Variants in ZNF560 observed in about 807,000 individuals in gnomAD.
The protein encoded by ZNF560 is zinc finger protein 560.
ZNF560 carries 54 observed loss-of-function variants against 81.8 expected under a neutral mutation model. The ratio of observed to expected loss-of-function variants is 0.66; its 90% confidence interval spans 0.53 to 0.83. The LOEUF (loss-of-function observed/expected upper bound fraction) is 0.83. ZNF560 is among the 40% of genes least tolerant of loss of function. ZNF560 has a pLI of 0.00. For synonymous variants in ZNF560, 321 were observed against 317.9 expected (o/e 1.01, Z -0.10); for missense variants, 940 against 932.4 (o/e 1.01, Z -0.11).
chr19:9,460,596 C>T, the ZNF560 span, among the ~76,000 whole-genome samples: 11 of 152,100 alleles, frequency 7.2e-5, no homozygotes, highest in Admixed American at 2.6e-4. Context: ...TTTAAGCATC[C>T]GCCCATCTGT....
intron 2 of ZNF560, among the ~76,000 whole-genome samples, chr19:9,479,026 C>T (rs955074183): frequency 2.0e-5 from 3 of 151,912 alleles, no homozygotes; most frequent in Admixed American, 2.0e-4. Context: ...ATTAGCCAGG[C>T]ATGGTGACGG....
At chr19:9,484,591 G>A (rs904982689) in intron 2 of ZNF560, among the ~76,000 whole-genome samples, 1 of 150,420 alleles carries the variant, frequency 6.6e-6, no homozygotes, top group Non-Finnish European at 1.5e-5. Flanking sequence ...AGACTATCCT[G>A]GCGAACATGG....
chr19:9,467,163 CTG>C lies in ZNF560; in HGVS notation c.1782_1783del (p.His594GlnfsTer7). On this transcript the variant is annotated frameshift_variant, in exon 10 of 10. Coordinates refer to ENST00000301480, the MANE Select transcript of ZNF560 (RefSeq NM_152476.3). LOFTEE classifies it high-confidence loss of function. The stretch of plus-strand genomic sequence containing the variant: ...CTTACATTCATATGGCTTCTCTCCA[CTG>C]TGTCTTCGTAAATGTTTAGTAAGGT... The C allele has an allele frequency of 6.2e-7, 1 of 1,613,526 alleles. No homozygotes were observed. Among genetic ancestry groups the C allele is most frequent in the Non-Finnish European group, 8.5e-7 (1 of 1,179,852 alleles).
chr19:9,484,281 T>C (rs2144714080), intron 2 of ZNF560, among the ~76,000 whole-genome samples: 1 of 147,008 alleles, frequency 6.8e-6, no homozygotes, highest in East Asian at 2.0e-4. Flanking sequence ...CACCCAAGAA[T>C]GATCAATTAA....
At chr19:9,450,569 T>C in the ZNF560 span, among the ~76,000 whole-genome samples, 1 of 152,224 alleles carries the variant, frequency 6.6e-6, no homozygotes, top group Non-Finnish European at 1.5e-5. Context: ...GTTTATTTAT[T>C]TTTAAAGATA....
downstream of ZNF560, among the ~76,000 whole-genome samples, chr19:9,462,715 T>C (rs898952980): frequency 1.3e-5 from 2 of 152,188 alleles, no homozygotes; most frequent in Non-Finnish European, 2.9e-5. Context: ...TTTTCTGGAA[T>C]TACAAAGATA....
intron 6 of ZNF560, 97 bp from the exon 7 acceptor site, chr19:9,470,615 C>G: frequency 1.3e-6 from 2 of 1,554,798 alleles, no homozygotes; most frequent in Non-Finnish European, 1.8e-6. Flanking sequence ...GTACAGGGTA[C>G]TGAGTGCTCC....
At chr19:9,475,479 T>C (rs2073186118) in intron 2 of ZNF560, 110 bp from the exon 3 acceptor site, 6 of 631,444 alleles carry the variant, frequency 9.5e-6, no homozygotes, top group Non-Finnish European at 1.7e-5. Context: ...TCATATAAAC[T>C]CACATAAATA....
At chr19:9,448,768 C>T in the ZNF560 span, among the ~76,000 whole-genome samples, 3 of 152,150 alleles carry the variant, frequency 2.0e-5, no homozygotes, top group Middle Eastern at 3.4e-3. Context: ...TGGATAAAAA[C>T]GACAAGTACT....
chr19:9,478,545 A>G (rs2073237428), intron 2 of ZNF560, among the ~76,000 whole-genome samples: 1 of 152,224 alleles, frequency 6.6e-6, no homozygotes, highest in African/African-American at 2.4e-5. Flanking sequence ...TATCCTTACG[A>G]TGAAGGTTAA....
At chr19:9,503,283 T>C (rs906761183), upstream of ZNF560, among the ~76,000 whole-genome samples, 1 of 152,152 alleles carries the variant, frequency 6.6e-6, no homozygotes, top group African/African-American at 2.4e-5. Flanking sequence ...TAAGTTTAGG[T>C]CTGTCCTGTC....
chr19:9,447,248 T>A, the ZNF560 span, among the ~76,000 whole-genome samples: 1 of 152,114 alleles, frequency 6.6e-6, no homozygotes, highest in African/African-American at 2.4e-5. Flanking sequence ...TGACACAGAT[T>A]AGAAGCACAT....
intron 9 of ZNF560, 25 bp downstream of exon 9, chr19:9,469,080 A>T: frequency 6.5e-7 from 1 of 1,531,564 alleles, no homozygotes; most frequent in Admixed American, 2.0e-5. Flanking sequence ...TGTGAAAAAT[A>T]AGAAAGTTCT....
chr19:9,501,670 ATT>A (rs199804616), upstream of ZNF560, among the ~76,000 whole-genome samples: 2 of 148,354 alleles, frequency 1.3e-5, no homozygotes, highest in Admixed American at 1.3e-4. Flanking sequence ...TAATTTTTGT[ATT>A]TTTTTTTGTA....
downstream of ZNF560, among the ~76,000 whole-genome samples, chr19:9,463,272 A>T (rs143589457): frequency 1.4e-3 from 214 of 152,280 alleles, 3 homozygotes; most frequent in African/African-American, 5.0e-3. Context: ...AAAAAATAAA[A>T]AAGGAAATCA....
Position 9,466,423 on chromosome 19 carries a change from T to G in ZNF560, c.*151A>C. The G allele has an allele frequency of 1.5e-6, 1 of 670,114 alleles. No individual in the cohort carries two copies. The allele number at this position is 670,114 out of a possible 1,614,324, so 41.5% of individuals were successfully genotyped here. On this transcript the variant is annotated 3_prime_UTR_variant, in exon 10 of 10. Transcript: ENST00000301480. ...ACAGGGTTTCTCTACAGTGTGAGTTTGTACATATCTAGAAAGATTCAACTG... is the reference window on the plus strand; with the variant it reads ...ACAGGGTTTCTCTACAGTGTGAGTTGGTACATATCTAGAAAGATTCAACTG...
At chr19:9,486,295 C>T (rs183981414) in intron 2 of ZNF560, among the ~76,000 whole-genome samples, 14 of 152,204 alleles carry the variant, frequency 9.2e-5, no homozygotes, top group East Asian at 5.8e-4. Flanking sequence ...GGCCAACACT[C>T]GGAAGGGACA....
intron 7 of ZNF560, 128 bp downstream of exon 7, chr19:9,470,264 A>G: frequency 8.0e-7 from 1 of 1,242,350 alleles, no homozygotes; most frequent in Non-Finnish European, 1.1e-6. Flanking sequence ...ACTCATTAAA[A>G]AAAATTTTTT....
the ZNF560 span, among the ~76,000 whole-genome samples, chr19:9,457,840 A>G: frequency 2.0e-5 from 3 of 152,216 alleles, no homozygotes; most frequent in Non-Finnish European, 2.9e-5. Flanking sequence ...TTCTATCTTT[A>G]GAGGAGATCC....
Sources: allele counts gnomAD v4.1 joint callset (sites outside exome capture counted in the v4.1 genomes callset), GRCh38; gene constraint gnomAD v4.1.1; transcripts MANE v1.5; gene names NCBI Gene and HGNC (gene_info 2026-07-23, HGNC 2026-07-21).